Variants in ZBTB25 observed in about 807,000 individuals in gnomAD.
ZBTB25 encodes zinc finger and BTB domain-containing protein 25.
In ZBTB25, 20 loss-of-function variants were observed where a neutral mutation model predicts 34.2. The ratio of observed to expected loss-of-function variants is 0.58; its 90% CI spans 0.41 to 0.85. The LOEUF (loss-of-function observed/expected upper bound fraction) is 0.85, where lower values mean the gene tolerates loss of function less well. Ranked by LOEUF, ZBTB25 falls within the 40% of genes least tolerant of loss-of-function variation. ZBTB25 has a pLI of 0.00. For missense variants in ZBTB25, 437 were observed against 521.8 expected, an observed-to-expected ratio of 0.84 and a Z score of 1.58; for synonymous variants, 175 against 186.4, an observed-to-expected ratio of 0.94 and a Z score of 0.50.
At chr14:64,503,066 T>G (rs528294366) in intron 1 of ZBTB25, 2 of 985,464 alleles carry the variant, frequency 2.0e-6, no homozygotes, top group African/African-American at 1.7e-5. Context: ...CCTCCGCAAC[T>G]GGTAACAACT....
chr14:64,453,705 C>T (rs963582010), intron 2 of ZBTB25: 2 of 1,124,770 alleles, frequency 1.8e-6, no homozygotes, highest in Non-Finnish European at 2.7e-6. Context: ...GGTTAAATGT[C>T]CTCACATGTG....
In ZBTB25 at chr14:64,500,388, G is replaced by A. The variant is rs180793355; in HGVS notation, c.-8+3273C>T. Among the ~76,000 whole-genome samples, 24 of 117,020 alleles carry A rather than the reference G, an allele frequency of 2.1e-4. No homozygotes were observed. The Admixed American group carries it at 2.4e-3, about 12-fold the overall frequency. 76.8% of individuals were successfully genotyped at this position (117,020 alleles called of 152,430 possible). ...CATGCATGACTGATTTGTAACCAGA[G>A]AAGAAATGAATTAGAAAAATATAAA... On this transcript the variant is annotated intron_variant, in intron 1 of 2. Transcript: ENST00000608382.
chr14:64,505,108 C>G (rs1280972688), upstream of ZBTB25: 4 of 349,918 alleles, frequency 1.1e-5, no homozygotes, highest in Admixed American at 4.8e-5. Flanking sequence ...GGGCGGCTGC[C>G]AGGCCGCCTG....
intron 1 of ZBTB25, among the ~76,000 whole-genome samples, chr14:64,493,123 G>C (rs1472301615): frequency 2.0e-5 from 3 of 152,188 alleles, no homozygotes; most frequent in Non-Finnish European, 4.4e-5. Flanking sequence ...ATGAAATGTG[G>C]TCAGTTCAAA....
chr14:64,472,938 C>CT (rs1240596022), intron 2 of ZBTB25: 3 of 166,902 alleles, frequency 1.8e-5, no homozygotes, highest in Non-Finnish European at 4.4e-5. Flanking sequence ...ATAAATTCTG[C>CT]TTTTAATGAA....
downstream of ZBTB25, among the ~76,000 whole-genome samples, chr14:64,475,681 T>G (rs146479615): frequency 2.6e-5 from 4 of 152,156 alleles, no homozygotes. Context: ...TGCGTGTCTG[T>G]GCACTACACA....
chr14:64,501,923 C>T (rs1293970482), intron 1 of ZBTB25, among the ~76,000 whole-genome samples: 2 of 152,168 alleles, frequency 1.3e-5, no homozygotes, highest in African/African-American at 4.8e-5. Flanking sequence ...CAGCCACAGG[C>T]GATTCTCTCA....
chr14:64,499,760 T>C (rs966104850), intron 1 of ZBTB25, among the ~76,000 whole-genome samples: 8 of 152,282 alleles, frequency 5.3e-5, no homozygotes, highest in Middle Eastern at 3.4e-3. Flanking sequence ...ATACAGAAAT[T>C]CTAAATCTGA....
intron 2 of ZBTB25, chr14:64,463,396 C>G (rs2140998981): frequency 6.6e-6 from 1 of 152,128 alleles, no homozygotes; most frequent in Non-Finnish European, 1.5e-5. Flanking sequence ...TGTAATATAC[C>G]TTAAGGAAGT....
At chr14:64,491,725 A>G (rs2079085960) in intron 1 of ZBTB25, among the ~76,000 whole-genome samples, 1 of 152,158 alleles carries the variant, frequency 6.6e-6, no homozygotes, top group Non-Finnish European at 1.5e-5. Flanking sequence ...TACTTTAGGC[A>G]GAAGGTAGCT....
At chr14:64,469,813 A>G (rs924797397) in intron 2 of ZBTB25, 1 of 653,042 alleles carries the variant, frequency 1.5e-6, no homozygotes, top group South Asian at 2.6e-5. Context: ...CCAGCGCAGA[A>G]GTGCTAAAGA....
At chr14:64,494,595 C>G (rs2079203337) in intron 1 of ZBTB25, among the ~76,000 whole-genome samples, 1 of 152,032 alleles carries the variant, frequency 6.6e-6, no homozygotes, top group Non-Finnish European at 1.5e-5. Context: ...ATCCACTGCA[C>G]TCCAGCCTGG....
rs770672646 is a variant in ZBTB25 at position 64,487,672 on chromosome 14, A to G, written c.559T>C (p.Cys187Arg). The G allele has an allele frequency of 1.9e-6, 3 of 1,607,302 alleles. No homozygotes were observed. Among genetic ancestry groups the G allele is most frequent in the Non-Finnish European group, 2.5e-6 (3 of 1,176,832 alleles). Residue 187 changes from cysteine to arginine, a missense_variant, in exon 3 of 3, where the codon TGT becomes CGT. Physicochemically the swap from Cys to Arg is radical, Grantham distance 180. Transcript: ENST00000608382. Reference sequence around the variant, plus strand: ...TCCTCCAGGGCCTGGGTGGCAGGACAGGCCCTCTGCTGGTCTGCAGTGCCA... The same window carrying G: ...TCCTCCAGGGCCTGGGTGGCAGGACGGGCCCTCTGCTGGTCTGCAGTGCCA... ...DDGTADQQRACPATQALEEHQ... is the reference protein window; with the variant it reads ...DDGTADQQRARPATQALEEHQ...
chr14:64,487,457 A>G lies in ZBTB25; in HGVS notation c.774T>C (p.His258=). The change falls in exon 3 of 3, where the codon CAT becomes CAC. Residue 258 remains histidine, a synonymous_variant. Transcript: ENST00000608382. Reference sequence around the variant, plus strand: ...ATGGCAGGGATCCAGACACATGTGTATGGAGATGTTGCCTTAGGTTACTAC... The same window carrying G: ...ATGGCAGGGATCCAGACACATGTGTGTGGAGATGTTGCCTTAGGTTACTAC... The part of the protein sequence containing the change: ...DSRSNLRQHL[H]THVSGSLPFG... 2 of 1,614,190 alleles carry G rather than the reference A, an allele frequency of 1.2e-6. No individual in the cohort carries two copies. The highest frequency in any genetic ancestry group is 1.7e-6 in the Non-Finnish European group (2 of 1,180,022).
At chr14:64,465,871 CT>C (rs2078607714) in intron 2 of ZBTB25, among the ~76,000 whole-genome samples, 1 of 152,132 alleles carries the variant, frequency 6.6e-6, no homozygotes, top group Non-Finnish European at 1.5e-5. Flanking sequence ...TTTTTTCCTT[CT>C]TTATCCCTCT....
intron 2 of ZBTB25, among the ~76,000 whole-genome samples, chr14:64,454,246 G>A (rs1381114931): frequency 1.3e-5 from 2 of 152,146 alleles, no homozygotes; most frequent in African/African-American, 4.8e-5. Flanking sequence ...CTGAGTAGCT[G>A]CGCCTACAGG....
rs1242754404 is a variant in ZBTB25 at position 64,487,998 on chromosome 14, T to A, written c.233A>T (p.His78Leu). ...IQPDIFSYLL[H>L]IMYTGKGPKQ... ...TGGCCCTTTCCCCGTGTACATAATGTGCAACAAATAGCTGAATATGTCAGG... is the reference window on the plus strand; with the variant it reads ...TGGCCCTTTCCCCGTGTACATAATGAGCAACAAATAGCTGAATATGTCAGG... Residue 78 changes from histidine to leucine, a missense_variant, in exon 3 of 3, where the codon CAC (histidine) becomes CTC (leucine). Physicochemically the swap from His to Leu is moderately conservative, Grantham distance 99 (BLOSUM62 -3). Transcript: ENST00000608382. The A allele has an allele frequency of 1.2e-6, 2 of 1,614,136 alleles. No individual in the cohort carries two copies. The highest frequency in any genetic ancestry group is 3.3e-5 in the Admixed American group (2 of 60,008).
intron 2 of ZBTB25, chr14:64,459,641 AG>A: frequency 2.4e-6 from 2 of 816,586 alleles, no homozygotes; most frequent in South Asian, 3.7e-5. Context: ...GTGGCAGGAA[AG>A]GATGTAAATG....
At chr14:64,491,348 C>T (rs2079069917) in intron 1 of ZBTB25, among the ~76,000 whole-genome samples, 1 of 152,122 alleles carries the variant, frequency 6.6e-6, no homozygotes, top group Non-Finnish European at 1.5e-5. Context: ...CACCTGTACT[C>T]CCAACTACTT....
Sources: gnomAD v4.1 joint callset for allele counts (sites outside exome capture counted in the v4.1 genomes callset) on GRCh38, gnomAD v4.1.1 for gene constraint, MANE v1.5 for transcripts, NCBI Gene and HGNC (gene_info 2026-07-23, HGNC 2026-07-21) for gene names.